GNAT1: variants seen among roughly 807,000 people sequenced by gnomAD.
GNAT1 encodes the protein G protein subunit alpha transducin 1, also known as guanine nucleotide-binding protein G(t) subunit alpha-1.
Under a neutral mutation model 40.0 loss-of-function variants are expected in GNAT1, and 36 were observed. That is an observed-to-expected ratio of 0.90 (90% CI 0.69 to 1.19). The LOEUF (loss-of-function observed/expected upper bound fraction) is 1.19, where lower values mean the gene tolerates loss of function less well. GNAT1 is among the 50% of genes most tolerant of loss of function. GNAT1 has a pLI of 0.00. For synonymous variants in GNAT1, 195 were observed against 192.9 expected, an observed-to-expected ratio of 1.01 and a Z score of -0.09; for missense variants, 413 against 480.6, an observed-to-expected ratio of 0.86 and a Z score of 1.32.
In GNAT1 at chr3:50,194,423, G is replaced by C; in HGVS notation, c.709-78G>C. On this transcript the variant is annotated intron_variant, in intron 6 of 8. Transcript: ENST00000232461. This position sits in a 1 kb window ranked among gnomAD's most constrained non-coding sequence, Gnocchi z 6.1. ...GAGAGCCAGCTGAGCGGGAAGCCCCGCGTGCCCGGGAGCCCAGAGAGCAGG... is the reference window on the plus strand; with the variant it reads ...GAGAGCCAGCTGAGCGGGAAGCCCCCCGTGCCCGGGAGCCCAGAGAGCAGG... The C allele has an allele frequency of 6.5e-7, 1 of 1,527,372 alleles. No individual in the cohort carries two copies. The highest frequency in any genetic ancestry group is 9.0e-7 in the Non-Finnish European group (1 of 1,114,828). 94.6% of individuals were successfully genotyped at this position (1,527,372 alleles called of 1,614,324 possible). A position where few individuals can be genotyped will look rare whatever the true frequency, so the allele number is the denominator to read the frequency against.
chr3:50,191,961 G>A, intron 1 of GNAT1, 130 bp downstream of exon 1: 1 of 678,910 alleles, frequency 1.5e-6, no homozygotes, highest in Non-Finnish European at 2.6e-6. Flanking sequence ...GGCACAGGGT[G>A]GGAGCCCTGG....
Position 50,193,901 on chromosome 3 carries a change from C to G in GNAT1, c.578+20C>G. ...CTTCCGGTACGACCCATACGCTAGC[C>G]CAGGAGGTCACTGCCCCAGGCCCCG... is the stretch of plus-strand genomic sequence containing the variant. On this transcript the variant is annotated intron_variant, in intron 5 of 8. Coordinates refer to ENST00000232461, the MANE Select transcript of GNAT1 (RefSeq NM_144499.3). The surrounding 1 kb of genome is among the most constrained non-coding windows in gnomAD (Gnocchi z 8.1). 1 of 1,613,226 alleles carries G rather than the reference C, an allele frequency of 6.2e-7. No individual in the cohort carries two copies. The highest frequency in any genetic ancestry group is 8.5e-7 in the Non-Finnish European group (1 of 1,179,874).
In GNAT1 at chr3:50,193,459, G is replaced by A; in HGVS notation, c.292-47G>A. On this transcript the variant is annotated intron_variant, in intron 3 of 8. Transcript: ENST00000232461. This position sits in a 1 kb window ranked among gnomAD's most constrained non-coding sequence, Gnocchi z 8.1. ...CTCTGGGGACTCGAGGCTCGCGGCT[G>A]GGCCCGAGTCCCTGGCCGCCACCAG... The A allele has an allele frequency of 2.5e-6, 4 of 1,608,772 alleles. No homozygotes were observed. Among genetic ancestry groups the A allele is most frequent in the Non-Finnish European group, 3.4e-6 (4 of 1,178,576 alleles).
At position 50,194,803 on chromosome 3, in the gene GNAT1, G is replaced by A. The variant is rs764827963; in HGVS notation, c.901G>A (p.Val301Met). The change falls in exon 8 of 9, where the codon GTG becomes ATG. Residue 301 changes from valine (V) to methionine (M), a missense_variant. Val to Met is a conservative substitution (Grantham distance 21). Coordinates refer to ENST00000232461, the MANE Select transcript of GNAT1 (RefSeq NM_144499.3). This position sits in a 1 kb window ranked among gnomAD's most constrained non-coding sequence, Gnocchi z 6.1. Reference protein sequence around the residue: ...TYEDAGNYIKVQFLELNMRRD... With the variant: ...TYEDAGNYIKMQFLELNMRRD... ...CGAGGACGCCGGCAACTACATCAAGGTGCAGTTCCTCGAGCTCAACATGCG... is the reference window on the plus strand; with the variant it reads ...CGAGGACGCCGGCAACTACATCAAGATGCAGTTCCTCGAGCTCAACATGCG... 7.4e-6 allele frequency: 12 copies of A among 1,613,740 alleles called. No homozygotes were observed. Among genetic ancestry groups the A allele is most frequent in the South Asian group, 1.1e-5 (1 of 91,076 alleles).
chr3:50,192,411 A>G (rs1699425644), intron 1 of GNAT1, among the ~76,000 whole-genome samples: 1 of 152,178 alleles, frequency 6.6e-6, no homozygotes, highest in South Asian at 2.1e-4. Flanking sequence ...CCACTGGACC[A>G]TGGGCACTGA....
At position 50,194,755 on chromosome 3, in the gene GNAT1, G is replaced by GC; in HGVS notation, c.863-5dup. ...AGGGCTGAGCAGAGTGAGAGCTCCC[G>GC]CCCCCGCAGGACCCAACACCTACGA... On this transcript the variant is annotated splice_polypyrimidine_tract_variant and intron_variant, in intron 7 of 8. Transcript: ENST00000232461. This position sits in a 1 kb window ranked among gnomAD's most constrained non-coding sequence, Gnocchi z 6.1. The GC allele has an allele frequency of 1.2e-6, 2 of 1,613,306 alleles. No homozygotes were observed. Among genetic ancestry groups the GC allele is most frequent in the South Asian group, 1.1e-5 (1 of 91,058 alleles).
At chr3:50,192,375 C>T (rs566461910) in intron 1 of GNAT1, among the ~76,000 whole-genome samples, 2 of 152,216 alleles carry the variant, frequency 1.3e-5, no homozygotes, top group African/African-American at 2.4e-5. Context: ...GGTACTGAGG[C>T]CCAGTGGGAG....
Position 50,191,828 on chromosome 3 carries a change from C to T in GNAT1, c.103C>T (p.Leu35=). The change falls in exon 1 of 9, where the codon CTG becomes TTG. Residue 35 remains leucine (L), a synonymous_variant. Transcript: ENST00000232461. ...TGCTCGAACCGTGAAGCTGCTGCTT[C>T]TGGGTAGGGGTGTGGGCCCAGGTGG... The part of the protein sequence containing the change: ...KDARTVKLLL[L]GAGESGKSTI... 1 of 1,608,640 alleles carries T rather than the reference C, an allele frequency of 6.2e-7. No individual in the cohort carries two copies. The highest frequency in any genetic ancestry group is 8.5e-7 in the Non-Finnish European group (1 of 1,175,172).
intron 1 of GNAT1, chr3:50,192,829 A>G: frequency 3.6e-6 from 2 of 549,544 alleles, no homozygotes; most frequent in East Asian, 3.1e-5. Context: ...GCAGTCTCAC[A>G]GCATAATAAA....
chr3:50,194,219 G>A lies in GNAT1; in HGVS notation c.706G>A (p.Val236Met), dbSNP rs1348995092. 8.7e-6 allele frequency: 14 copies of A among 1,606,548 alleles called. No homozygotes were observed. The highest frequency in any genetic ancestry group is 1.2e-5 in the Non-Finnish European group (14 of 1,176,510). The change falls in exon 6 of 9, where the codon GTG (valine) becomes ATG (methionine). Residue 236 changes from valine to methionine, a missense_variant and splice_region_variant. Coordinates refer to ENST00000232461, the MANE Select transcript of GNAT1 (RefSeq NM_144499.3). This position sits in a 1 kb window ranked among gnomAD's most constrained non-coding sequence, Gnocchi z 6.1. Reference protein sequence around the residue: ...YDMVLVEDDEVNRMHESLHLF... With the variant: ...YDMVLVEDDEMNRMHESLHLF... ...CATGGTGCTAGTGGAGGACGACGAAGTGGTGCGTGCCAGGCAGGGCCTGTG... is the reference window on the plus strand; with the variant it reads ...CATGGTGCTAGTGGAGGACGACGAAATGGTGCGTGCCAGGCAGGGCCTGTG...
At position 50,193,062 on chromosome 3, in the gene GNAT1, C is replaced by A. The variant is rs1699437354; in HGVS notation, c.107-71C>A. 1 of 1,540,892 alleles carries A rather than the reference C, an allele frequency of 6.5e-7. No homozygotes were observed. Among genetic ancestry groups the A allele is most frequent in the Non-Finnish European group, 8.9e-7 (1 of 1,119,496 alleles). On this transcript the variant is annotated intron_variant, in intron 1 of 8. Transcript: ENST00000232461. This position sits in a 1 kb window ranked among gnomAD's most constrained non-coding sequence, Gnocchi z 8.1. ...CCACCCTGCCAACTCGGGAGGTCCC[C>A]GTCCTCCTGGCCTCCTTGCTGGAGG...
chr3:50,197,124 A>C lies in GNAT1; in HGVS notation c.*1858A>C, dbSNP rs1699514516. On this transcript the variant is annotated 3_prime_UTR_variant, in exon 9 of 9. Transcript: ENST00000232461. ...AAATATCAAAATCCAACAGAGGATC[A>C]AACAGAGGCATGCTAAGATATATTG... 2.6e-5 allele frequency among the ~76,000 whole-genome samples: 4 copies of C among 152,238 alleles called. No homozygotes were observed. Among genetic ancestry groups the C allele is most frequent in the Admixed American group, 2.6e-4 (4 of 15,288 alleles).
At position 50,197,389 on chromosome 3, in the gene GNAT1, TC is replaced by T. The variant is rs1699518596; in HGVS notation, c.*2128del. 6.6e-6 allele frequency among the ~76,000 whole-genome samples: 1 copy of T among 152,142 alleles called. No individual in the cohort carries two copies. The highest frequency in any genetic ancestry group is 2.1e-4 in the South Asian group (1 of 4,816). On this transcript the variant is annotated 3_prime_UTR_variant, in exon 9 of 9. Coordinates refer to ENST00000232461, the MANE Select transcript of GNAT1 (RefSeq NM_144499.3). ...AAAAAATAACCCCCCATTCCTGCCT[TC>T]CCCCGGCTCCTGGCATCCACCATTC...
At position 50,193,254 on chromosome 3, in the gene GNAT1, C is replaced by T. The variant is rs750374101; in HGVS notation, c.150-11C>T. 43 of 1,614,216 alleles carry T rather than the reference C, an allele frequency of 2.7e-5. No individual in the cohort carries two copies. The highest frequency in any genetic ancestry group is 3.6e-5 in the Non-Finnish European group (43 of 1,180,024). ...CCCACGAGGCGCTGATTCTGCTCTC[C>T]TCGGCCTCAGGATTATCCACCAGGA... On this transcript the variant is annotated splice_polypyrimidine_tract_variant and intron_variant, in intron 2 of 8. Transcript: ENST00000232461. The surrounding 1 kb of genome is among the most constrained non-coding windows in gnomAD (Gnocchi z 8.1).
chr3:50,192,983 G>C (rs549278207), intron 1 of GNAT1, 150 bp from the exon 2 acceptor site: 3 of 719,650 alleles, frequency 4.2e-6, no homozygotes, highest in Non-Finnish European at 7.3e-6. Flanking sequence ...TTGGATGGGG[G>C]GGTAGGTGTG....
rs779581721 is a variant in GNAT1, at chr3:50,194,812, C to A, written c.910C>A (p.Leu304Ile). Residue 304 changes from leucine to isoleucine, a missense_variant, in exon 8 of 9, where the codon CTC becomes ATC. Physicochemically the swap from Leu to Ile is conservative, Grantham distance 5 (BLOSUM62 2). Coordinates refer to ENST00000232461, the MANE Select transcript of GNAT1 (RefSeq NM_144499.3). The surrounding 1 kb of genome is among the most constrained non-coding windows in gnomAD (Gnocchi z 6.1). ...CGGCAACTACATCAAGGTGCAGTTC[C>A]TCGAGCTCAACATGCGGCGCGACGT... is the stretch of plus-strand genomic sequence containing the variant. The part of the protein sequence containing the change: ...DAGNYIKVQF[L>I]ELNMRRDVKE... 1 of 1,613,902 alleles carries A rather than the reference C, an allele frequency of 6.2e-7. No homozygotes were observed. The highest frequency in any genetic ancestry group is 1.3e-5 in the African/African-American group (1 of 74,918).
rs1699469705 is a variant in GNAT1 at position 50,194,332 on chromosome 3, C to T, written c.708+111C>T. On this transcript the variant is annotated intron_variant, in intron 6 of 8. Transcript: ENST00000232461. The surrounding 1 kb of genome is among the most constrained non-coding windows in gnomAD (Gnocchi z 6.1). The stretch of plus-strand genomic sequence containing the variant: ...GAGGGCACGGGAGGGGATGCCTGTC[C>T]CGGGCGGCCTGAGGAGGCCCGGAGG... 14 of 1,446,810 alleles carry T rather than the reference C, an allele frequency of 9.7e-6. No individual in the cohort carries two copies. The highest frequency in any genetic ancestry group is 2.5e-5 in the South Asian group (2 of 80,468). The allele number at this position is 1,446,810 out of a possible 1,614,324, so 89.6% of individuals were successfully genotyped here. A position where few individuals can be genotyped will look rare whatever the true frequency, so the allele number is the denominator to read the frequency against.
chr3:50,193,359 C>T lies in GNAT1; in HGVS notation c.244C>T (p.Arg82Cys), dbSNP rs1406092062. Residue 82 changes from arginine to cysteine, a missense_variant, in exon 3 of 9, where the codon CGC becomes TGC. Transcript: ENST00000232461. The surrounding 1 kb of genome is among the most constrained non-coding windows in gnomAD (Gnocchi z 8.1). ...NTLQSILAIV[R>C]AMTTLNIQYG... ...GTTGCAGTCCATCCTGGCCATCGTA[C>T]GCGCCATGACCACACTCAACATCCA... 5 of 1,614,120 alleles carry T rather than the reference C, an allele frequency of 3.1e-6. No individual in the cohort carries two copies. The highest frequency in any genetic ancestry group is 2.2e-5 in the East Asian group (1 of 44,884).
chr3:50,194,877 G>T lies in GNAT1; in HGVS notation c.975G>T (p.Thr325=), dbSNP rs369933509. 1 of 1,613,888 alleles carries T rather than the reference G, an allele frequency of 6.2e-7. No individual in the cohort carries two copies. The highest frequency in any genetic ancestry group is 8.5e-7 in the Non-Finnish European group (1 of 1,179,916). The change falls in exon 8 of 9, where the codon ACG becomes ACT. Residue 325 remains threonine (T), a synonymous_variant. Transcript: ENST00000232461. The surrounding 1 kb of genome is among the most constrained non-coding windows in gnomAD (Gnocchi z 6.1). ...IYSHMTCATD[T]QNVKFVFDAV... is the part of the protein sequence containing the mutation. Reference sequence around the variant, plus strand: ...CCCACATGACGTGCGCCACCGACACGCAGAACGTCAAATTTGTCTTCGACG... The same window carrying T: ...CCCACATGACGTGCGCCACCGACACTCAGAACGTCAAATTTGTCTTCGACG...
Sources: allele counts gnomAD v4.1 joint callset (sites outside exome capture counted in the v4.1 genomes callset), GRCh38; gene constraint gnomAD v4.1.1; non-coding constraint Gnocchi (gnomAD v3.1); transcripts MANE v1.5; gene names NCBI Gene and HGNC (gene_info 2026-07-23, HGNC 2026-07-21).